The following MCC variants were observed in gnomAD, a reference collection of about 807,000 sequenced individuals.
The protein encoded by MCC is MCC regulator of Wnt signaling pathway, also known as colorectal mutant cancer protein.
A neutral mutation model predicts 116.2 loss-of-function variants in MCC; 90 were observed. The observed-to-expected ratio is 0.77, with a 90% CI of 0.65 to 0.92. The LOEUF (loss-of-function observed/expected upper bound fraction) is 0.92. Among genes scored for constraint, MCC ranks in the 40% least tolerant of loss-of-function variants. The probability of loss-of-function intolerance (pLI) is 0.00; values close to 1 mark genes in which losing one functional copy is unlikely to be tolerated. For synonymous variants in MCC, 578 were observed against 510.5 expected (o/e 1.13, Z -1.78); for missense variants, 1,516 against 1,312.2 (o/e 1.16, Z -2.40).
intron 1 of MCC, among the ~76,000 whole-genome samples, chr5:113,459,612 G>T (rs1771688983): frequency 6.6e-6 from 1 of 152,132 alleles, no homozygotes; most frequent in African/African-American, 2.4e-5. Context: ...TCCCTGACTG[G>T]TGGTGGAGTG....
chr5:113,160,561 C>T (rs1421040812), intron 3 of MCC, among the ~76,000 whole-genome samples: 1 of 152,142 alleles, frequency 6.6e-6, no homozygotes, highest in African/African-American at 2.4e-5. Context: ...AATGAAAGCC[C>T]AGGTCTGTCT....
intron 2 of MCC, among the ~76,000 whole-genome samples, chr5:113,351,890 T>C (rs74937958): frequency 0.038 from 5,806 of 152,274 alleles, 374 homozygotes; most frequent in African/African-American, 0.13. Context: ...GGAAGCTTCA[T>C]TTGAAATTTA....
intron 3 of MCC, among the ~76,000 whole-genome samples, chr5:113,173,269 T>C (rs1761165395): frequency 2.0e-5 from 3 of 152,202 alleles, no homozygotes; most frequent in Admixed American, 2.0e-4. Context: ...GGTTTTCTTT[T>C]ATGTGGTCAT....
At position 113,043,521 on chromosome 5, in the gene MCC, G is replaced by A. The variant is rs536837019; in HGVS notation, c.2756+9C>T. 2.5e-6 allele frequency: 4 copies of A among 1,612,508 alleles called. No individual in the cohort carries two copies. The highest frequency in any genetic ancestry group is 1.7e-5 in the Admixed American group (1 of 59,910). On this transcript the variant is annotated intron_variant, in intron 17 of 18. Coordinates refer to ENST00000408903, the MANE Select transcript of MCC (RefSeq NM_001085377.2). ...TAAACACCAGCTGGGGTGGGGAAAG[G>A]GTGCTTACCGACGAATGGCGTTGGT...
chr5:113,179,143 C>T (rs1314791486), intron 3 of MCC, among the ~76,000 whole-genome samples: 2 of 152,200 alleles, frequency 1.3e-5, no homozygotes, highest in African/African-American at 4.8e-5. Flanking sequence ...GAATAACTGA[C>T]ATCCCTGTAA....
At chr5:113,298,310 G>A (rs557726454) in intron 3 of MCC, among the ~76,000 whole-genome samples, 1 of 152,332 alleles carries the variant, frequency 6.6e-6, no homozygotes, top group South Asian at 2.1e-4. Flanking sequence ...AGAAGGAGGA[G>A]CAGCATCAAT....
At chr5:113,451,045 C>A (rs566895236) in intron 1 of MCC, among the ~76,000 whole-genome samples, 13 of 152,076 alleles carry the variant, frequency 8.5e-5, no homozygotes, top group Non-Finnish European at 1.9e-4. Flanking sequence ...TCCACAATTG[C>A]ATTTTTTTTT....
intron 1 of MCC, among the ~76,000 whole-genome samples, chr5:113,466,794 C>T (rs914775983): frequency 1.1e-3 from 171 of 152,058 alleles, no homozygotes; most frequent in African/African-American, 3.2e-3. Context: ...GTTTACAGTC[C>T]CACCAACAGT....
At chr5:113,465,598 T>C (rs965886105) in intron 1 of MCC, among the ~76,000 whole-genome samples, 1 of 152,166 alleles carries the variant, frequency 6.6e-6, no homozygotes, top group Non-Finnish European at 1.5e-5. Context: ...ACGAACATTT[T>C]AGGAAAATAT....
intron 1 of MCC, among the ~76,000 whole-genome samples, chr5:113,458,356 G>A (rs1296347680): frequency 6.6e-6 from 1 of 150,568 alleles, no homozygotes; most frequent in Admixed American, 6.6e-5. Flanking sequence ...TAACACTCAT[G>A]GCGAAGGTCT....
chr5:113,397,102 T>G (rs1769546776), intron 1 of MCC, among the ~76,000 whole-genome samples: 2 of 152,222 alleles, frequency 1.3e-5, no homozygotes, highest in South Asian at 4.1e-4. Flanking sequence ...AAAGGTCAGC[T>G]GTAGTCTGGA....
intron 3 of MCC, 128 bp from the exon 4 acceptor site, chr5:113,151,550 G>C: frequency 1.6e-6 from 1 of 620,478 alleles, no homozygotes; most frequent in Non-Finnish European, 2.9e-6. Flanking sequence ...GAGAATGAAG[G>C]TAAGTGTTAT....
chr5:113,405,031 T>C (rs533626559), intron 1 of MCC, among the ~76,000 whole-genome samples: 5 of 152,338 alleles, frequency 3.3e-5, no homozygotes, highest in Admixed American at 3.3e-4. Context: ...TTTGAACACA[T>C]TTGAATTTTT....
chr5:113,485,032 G>T (rs920461674), intron 1 of MCC, among the ~76,000 whole-genome samples: 3 of 152,164 alleles, frequency 2.0e-5, no homozygotes, highest in African/African-American at 7.2e-5. Context: ...TATTGATGGG[G>T]ATGATTCTGG....
At chr5:113,254,948 T>C (rs1034562718) in intron 3 of MCC, among the ~76,000 whole-genome samples, 1 of 152,142 alleles carries the variant, frequency 6.6e-6, no homozygotes, top group African/African-American at 2.4e-5. Flanking sequence ...GTGGATCACC[T>C]GAGGTCAGGA....
At chr5:113,377,089 A>G (rs1196435500) in intron 2 of MCC, among the ~76,000 whole-genome samples, 1 of 152,184 alleles carries the variant, frequency 6.6e-6, no homozygotes, top group Non-Finnish European at 1.5e-5. Context: ...GACACAGCAG[A>G]AGGAAGGCTG....
intron 6 of MCC, among the ~76,000 whole-genome samples, chr5:113,108,178 C>G (rs1176460563): frequency 6.6e-6 from 1 of 151,748 alleles, no homozygotes; most frequent in Non-Finnish European, 1.5e-5. Context: ...AACCCTGTCT[C>G]TACTAAAAAT....
intron 1 of MCC, among the ~76,000 whole-genome samples, chr5:113,477,299 T>C (rs1772257667): frequency 6.6e-6 from 1 of 152,168 alleles, no homozygotes; most frequent in Admixed American, 6.5e-5. Flanking sequence ...TTAAATTATA[T>C]ATAAACTTAA....
At chr5:113,310,693 T>A (rs548309448) in intron 3 of MCC, among the ~76,000 whole-genome samples, 35 of 152,312 alleles carry the variant, frequency 2.3e-4, no homozygotes, top group African/African-American at 7.9e-4. Flanking sequence ...ATGTGTCACA[T>A]GGGAAATAAA....
Sources: gnomAD v4.1 joint callset for allele counts (sites outside exome capture counted in the v4.1 genomes callset) on GRCh38, gnomAD v4.1.1 for gene constraint, MANE v1.5 for transcripts, NCBI Gene and HGNC (gene_info 2026-07-23, HGNC 2026-07-21) for gene names.